Variants in CMIP observed in about 807,000 individuals in gnomAD.
The protein encoded by CMIP is C-Maf-inducing protein.
In CMIP, 13 loss-of-function variants were observed where a neutral mutation model predicts 97.3. The ratio of observed to expected loss-of-function variants is 0.13; its 90% CI spans 0.09 to 0.21. The LOEUF is 0.21. CMIP is among the 10% of genes least tolerant of loss of function. CMIP has a pLI of 1.00. For missense variants in CMIP, 847 were observed against 1,024.9 expected (o/e 0.83, Z 2.37); for synonymous variants, 538 against 436.3 (o/e 1.23, Z -2.91).
intron 1 of CMIP, among the ~76,000 whole-genome samples, chr16:81,484,617 G>A (rs1192293717): frequency 2.0e-5 from 3 of 152,122 alleles, no homozygotes; most frequent in Non-Finnish European, 4.4e-5. Flanking sequence ...AATCATCTCC[G>A]GCTCTCTGCT....
intron 1 of CMIP, among the ~76,000 whole-genome samples, chr16:81,582,508 TG>T (rs1172638721): frequency 1.3e-5 from 2 of 152,154 alleles, no homozygotes; most frequent in Non-Finnish European, 2.9e-5. Flanking sequence ...GGTTTTCAGT[TG>T]TAAGGACCTC....
At chr16:81,610,653 C>A (rs1039331710) in intron 2 of CMIP, 18 of 436,092 alleles carry the variant, frequency 4.1e-5, no homozygotes, top group Non-Finnish European at 3.7e-5. Context: ...TCCTCACCCC[C>A]ACACTCTGCC....
intron 1 of CMIP, among the ~76,000 whole-genome samples, chr16:81,585,429 A>G (rs2091365354): frequency 1.3e-5 from 2 of 152,174 alleles, no homozygotes; most frequent in South Asian, 4.1e-4. Flanking sequence ...GTTCCACAAT[A>G]TTCTCATCAC....
At chr16:81,532,674 C>T (rs2090262462) in intron 1 of CMIP, among the ~76,000 whole-genome samples, 1 of 152,170 alleles carries the variant, frequency 6.6e-6, no homozygotes, top group Non-Finnish European at 1.5e-5. Context: ...GTCACCTGGG[C>T]CTTTCCTCCA....
intron 3 of CMIP, among the ~76,000 whole-genome samples, chr16:81,623,203 C>A (rs1377992814): frequency 6.6e-6 from 1 of 152,102 alleles, no homozygotes. Context: ...GACCCCCATG[C>A]CCCACCCCAA....
intron 1 of CMIP, among the ~76,000 whole-genome samples, chr16:81,576,770 A>G (rs2091196480): frequency 1.3e-5 from 2 of 152,144 alleles, no homozygotes; most frequent in Non-Finnish European, 2.9e-5. Context: ...TCCCACTCCC[A>G]TGACTTTCTA....
At chr16:81,533,132 C>T (rs983593978) in intron 1 of CMIP, among the ~76,000 whole-genome samples, 3 of 152,178 alleles carry the variant, frequency 2.0e-5, no homozygotes, top group Admixed American at 6.5e-5. Flanking sequence ...CCCTGACTTA[C>T]GTTTTTTTCT....
intron 1 of CMIP, among the ~76,000 whole-genome samples, chr16:81,482,349 A>G (rs561099501): frequency 2.8e-4 from 43 of 152,312 alleles, no homozygotes; most frequent in African/African-American, 7.2e-4. Context: ...TATTGTGCCT[A>G]TCATAGCAGG....
chr16:81,707,695 G>A (rs1432741475), intron 20 of CMIP, among the ~76,000 whole-genome samples: 1 of 152,206 alleles, frequency 6.6e-6, no homozygotes, highest in East Asian at 1.9e-4. Flanking sequence ...AGGCAGGGGC[G>A]TTTTAAGAAA....
chr16:81,461,438 T>C (rs2150738364), intron 1 of CMIP, among the ~76,000 whole-genome samples: 1 of 152,310 alleles, frequency 6.6e-6, no homozygotes, highest in Non-Finnish European at 1.5e-5. Context: ...GCCTTGACCG[T>C]GGTAGACATT....
intron 1 of CMIP, among the ~76,000 whole-genome samples, chr16:81,571,331 C>T (rs2091083860): frequency 6.6e-6 from 1 of 151,500 alleles, no homozygotes; most frequent in South Asian, 2.1e-4. Context: ...TAGCTAGATG[C>T]AGTGGTGTGT....
At chr16:81,657,434 G>A (rs1306846928) in intron 4 of CMIP, among the ~76,000 whole-genome samples, 1 of 152,078 alleles carries the variant, frequency 6.6e-6, no homozygotes, top group African/African-American at 2.4e-5. Context: ...TTTGACGAGG[G>A]CCAGATCCTC....
intron 1 of CMIP, among the ~76,000 whole-genome samples, chr16:81,524,137 C>G (rs528502836): frequency 6.6e-6 from 1 of 152,356 alleles, no homozygotes; most frequent in African/African-American, 2.4e-5. Flanking sequence ...GTCACAGCAT[C>G]TATTAGGAGA....
At chr16:81,613,000 C>T (rs2091856711) in intron 2 of CMIP, among the ~76,000 whole-genome samples, 1 of 152,224 alleles carries the variant, frequency 6.6e-6, no homozygotes, top group African/African-American at 2.4e-5. Flanking sequence ...AGCTGGAACG[C>T]AGCCTGGTCA....
chr16:81,484,569 T>G (rs1032520693), intron 1 of CMIP, among the ~76,000 whole-genome samples: 5 of 152,094 alleles, frequency 3.3e-5, no homozygotes, highest in South Asian at 2.1e-4. Flanking sequence ...GTGGGGGACT[T>G]GAGGCAGGAG....
In CMIP at chr16:81,678,334, G is replaced by A. The variant is rs1364397564; in HGVS notation, c.1094G>A (p.Arg365Gln). The A allele has an allele frequency of 3.1e-6, 5 of 1,611,420 alleles. No homozygotes were observed. Among genetic ancestry groups the A allele is most frequent in the Admixed American group, 3.3e-5 (2 of 59,950 alleles). The change falls in exon 10 of 21, where the codon CGG (arginine) becomes CAG (glutamine). Residue 365 changes from arginine to glutamine, a missense_variant. By Grantham distance (43) the Arg-to-Gln change is conservative (BLOSUM62 1). This residue lies in a region of CMIP where 202 missense variants were observed against 168.7 expected (regional missense o/e 1.20). Transcript: ENST00000537098. ...AACGGCTGCCAGCAGCCGTGCGACC[G>A]GAAGCCCACTTTACCTCTGCGCCTT... ...IRNGCQQPCD[R>Q]KPTLPLRLLH... is the part of the protein sequence containing the mutation.
chr16:81,641,543 T>A (rs1026708108), intron 3 of CMIP, among the ~76,000 whole-genome samples: 16 of 152,112 alleles, frequency 1.1e-4, no homozygotes, highest in African/African-American at 3.9e-4. Flanking sequence ...GGCCAGCTTA[T>A]CTCCTTGCCA....
At chr16:81,603,651 C>A (rs147706390) in intron 1 of CMIP, among the ~76,000 whole-genome samples, 3 of 152,192 alleles carry the variant, frequency 2.0e-5, no homozygotes, top group African/African-American at 7.2e-5. Context: ...CCTGTAGTCA[C>A]GTCTCCCAAA....
At chr16:81,600,147 T>C (rs1264145840) in intron 1 of CMIP, among the ~76,000 whole-genome samples, 1 of 151,612 alleles carries the variant, frequency 6.6e-6, no homozygotes, top group Non-Finnish European at 1.5e-5. Context: ...GGAGTGGTGG[T>C]GGGTGACTGT....
Sources: gnomAD v4.1 joint callset for allele counts (sites outside exome capture counted in the v4.1 genomes callset) on GRCh38, gnomAD v4.1.1 for gene constraint, gnomAD v4.1.1 regional missense constraint, MANE v1.5 for transcripts, NCBI Gene and HGNC (gene_info 2026-07-23, HGNC 2026-07-21) for gene names.